The following TENM3 variants were observed in gnomAD, a reference collection of about 807,000 sequenced individuals.
TENM3 encodes teneurin transmembrane protein 3.
In TENM3, 63 loss-of-function variants were observed where a neutral mutation model predicts 255.1. That is an observed-to-expected ratio of 0.25 (90% CI 0.20 to 0.30). TENM3 has a LOEUF of 0.30. Among genes scored for constraint, TENM3 ranks in the 10% least tolerant of loss-of-function variants. The pLI, the probability that TENM3 is intolerant of heterozygous loss-of-function variation, is 1.00. For missense variants in TENM3, 2,929 were observed against 3,461.1 expected, an observed-to-expected ratio of 0.85 and a Z score of 3.86; for synonymous variants, 1,306 against 1,322.3, an observed-to-expected ratio of 0.99 and a Z score of 0.27.
the TENM3 span, among the ~76,000 whole-genome samples, chr4:182,056,600 A>G: frequency 6.6e-6 from 1 of 152,172 alleles, no homozygotes; most frequent in Non-Finnish European, 1.5e-5. Flanking sequence ...ATGATATTGC[A>G]AAGTTTGCCA....
the TENM3 span, among the ~76,000 whole-genome samples, chr4:182,026,313 A>AT: frequency 6.6e-6 from 1 of 151,906 alleles, no homozygotes; most frequent in African/African-American, 2.4e-5. Context: ...GGATTGTTAG[A>AT]TTTTTTTCTA....
chr4:181,742,709 G>A, the TENM3 span, among the ~76,000 whole-genome samples: 1 of 150,944 alleles, frequency 6.6e-6, no homozygotes, highest in Admixed American at 6.6e-5. Context: ...AAGTTTTAGG[G>A]TACATGTGCA....
At chr4:181,902,974 T>C in the TENM3 span, among the ~76,000 whole-genome samples, 1 of 152,206 alleles carries the variant, frequency 6.6e-6, no homozygotes, top group Non-Finnish European at 1.5e-5. Context: ...GGTATTGATT[T>C]CAGCATCATC....
the TENM3 span, among the ~76,000 whole-genome samples, chr4:181,960,159 C>T: frequency 6.6e-6 from 1 of 152,136 alleles, no homozygotes; most frequent in South Asian, 2.1e-4. Flanking sequence ...TGTGTATATT[C>T]TTATACTTCA....
chr4:181,846,046 T>C, the TENM3 span, among the ~76,000 whole-genome samples: 1 of 152,214 alleles, frequency 6.6e-6, no homozygotes, highest in Non-Finnish European at 1.5e-5. Flanking sequence ...GCATGCTCTT[T>C]CTTCACTGTG....
intron 3 of TENM3, among the ~76,000 whole-genome samples, chr4:182,380,979 T>C (rs1216807324): frequency 6.6e-6 from 1 of 152,212 alleles, no homozygotes; most frequent in Non-Finnish European, 1.5e-5. Context: ...GTCTGGCTTA[T>C]GGGATGGTCA....
the TENM3 span, among the ~76,000 whole-genome samples, chr4:181,518,464 G>T: frequency 5.9e-5 from 9 of 152,212 alleles, no homozygotes; most frequent in Non-Finnish European, 1.0e-4. Flanking sequence ...GTCTCACTCT[G>T]TCACCCAGGC....
At chr4:182,449,951 C>A (rs1773310998) in intron 3 of TENM3, among the ~76,000 whole-genome samples, 3 of 152,182 alleles carry the variant, frequency 2.0e-5, no homozygotes, top group Non-Finnish European at 4.4e-5. Flanking sequence ...ATGAGAAAGT[C>A]ACATTTCCTC....
At chr4:181,863,104 GC>G in the TENM3 span, among the ~76,000 whole-genome samples, 1 of 152,096 alleles carries the variant, frequency 6.6e-6, no homozygotes, top group African/African-American at 2.4e-5. Context: ...TTTTATAAGT[GC>G]TACCTTAACC....
intron 1 of TENM3, among the ~76,000 whole-genome samples, chr4:182,198,906 T>A (rs1753997917): frequency 6.6e-6 from 1 of 152,128 alleles, no homozygotes; most frequent in Non-Finnish European, 1.5e-5. Context: ...GGCCTTCCCA[T>A]AGAAGAAGAC....
the TENM3 span, among the ~76,000 whole-genome samples, chr4:181,841,389 T>C: frequency 6.6e-6 from 1 of 152,116 alleles, no homozygotes; most frequent in Non-Finnish European, 1.5e-5. Flanking sequence ...TAATTAAACA[T>C]GCCTATTTCT....
At chr4:182,196,025 C>A (rs528914196) in intron 1 of TENM3, among the ~76,000 whole-genome samples, 1 of 152,300 alleles carries the variant, frequency 6.6e-6, no homozygotes, top group East Asian at 1.9e-4. Context: ...GAGAACTTAT[C>A]TTGGATTGAG....
chr4:181,595,346 G>T, the TENM3 span, among the ~76,000 whole-genome samples: 2 of 147,936 alleles, frequency 1.4e-5, no homozygotes, highest in African/African-American at 2.5e-5. Context: ...CATGAGAATC[G>T]CTTAAACCCA....
At position 182,800,267 on chromosome 4, in the gene TENM3, A is replaced by C; in HGVS notation, c.8016A>C (p.Val2672=). 2.5e-6 allele frequency: 4 copies of C among 1,593,368 alleles called. No individual in the cohort carries two copies. Among genetic ancestry groups the C allele is most frequent in the Non-Finnish European group, 3.4e-6 (4 of 1,178,372 alleles). ...GKVQGYDGYY[V]LSVEQYPELA... ...TGCAGGGCTACGACGGGTACTACGT[A>C]CTCTCGGTGGAGCAGTACCCCGAGC... Residue 2672 remains valine, a synonymous_variant, in exon 28 of 28, where the codon GTA becomes GTC. Coordinates refer to ENST00000511685, the MANE Select transcript of TENM3 (RefSeq NM_001080477.4).
chr4:182,181,413 C>T (rs1752831970), intron 1 of TENM3, among the ~76,000 whole-genome samples: 1 of 152,214 alleles, frequency 6.6e-6, no homozygotes, highest in Non-Finnish European at 1.5e-5. Flanking sequence ...TCTTTTTAAT[C>T]TGCGGGAGCC....
At chr4:181,907,096 G>A in the TENM3 span, among the ~76,000 whole-genome samples, 2 of 152,152 alleles carry the variant, frequency 1.3e-5, no homozygotes, top group African/African-American at 4.8e-5. Context: ...ATGTTGGCCA[G>A]GCTGGTCTCG....
At chr4:182,295,673 C>G (rs1351630266) in intron 1 of TENM3, among the ~76,000 whole-genome samples, 1 of 152,080 alleles carries the variant, frequency 6.6e-6, no homozygotes, top group Non-Finnish European at 1.5e-5. Flanking sequence ...GATGCAAGAG[C>G]AAAACAAATA....
chr4:182,652,451 T>G (rs948460532), intron 5 of TENM3, among the ~76,000 whole-genome samples: 2 of 152,210 alleles, frequency 1.3e-5, no homozygotes, highest in African/African-American at 4.8e-5. Context: ...CCAGCTCTCC[T>G]TCATATGCCC....
chr4:181,505,702 T>G, the TENM3 span, among the ~76,000 whole-genome samples: 1 of 152,152 alleles, frequency 6.6e-6, no homozygotes, highest in Non-Finnish European at 1.5e-5. Context: ...CTCTCTAAAT[T>G]TAATGATCCA....
Sources: gnomAD v4.1 joint callset for allele counts (sites outside exome capture counted in the v4.1 genomes callset) on GRCh38, gnomAD v4.1.1 for gene constraint, MANE v1.5 for transcripts, NCBI Gene and HGNC (gene_info 2026-07-23, HGNC 2026-07-21) for gene names.